FIP1L1: variants seen among roughly 807,000 people sequenced by gnomAD.
The protein encoded by FIP1L1 is pre-mRNA 3'-end-processing factor FIP1.
In FIP1L1, 21 loss-of-function variants were observed where a neutral mutation model predicts 84.6. The observed-to-expected ratio is 0.25, with a 90% CI of 0.18 to 0.36. The LOEUF is 0.36. Ranked by LOEUF, FIP1L1 falls within the 10% of genes least tolerant of loss-of-function variation. The probability of loss-of-function intolerance (pLI) is 1.00; values close to 1 mark genes in which losing one functional copy is unlikely to be tolerated. For synonymous variants in FIP1L1, 263 were observed against 242.3 expected (o/e 1.09, Z -0.80); for missense variants, 526 against 751.1 (o/e 0.70, Z 3.50).
In FIP1L1 at chr4:53,390,587, T is replaced by C. The variant is rs1423704054; in HGVS notation, c.464T>C (p.Val155Ala). Residue 155 changes from valine (V) to alanine (A), a missense_variant, in exon 7 of 18, where the codon GTA becomes GCA. Val to Ala is a moderately conservative substitution (Grantham distance 64, BLOSUM62 0). Transcript: ENST00000337488. ...ATTAATGGAGTTCCACTCTTAGAGGTAGATTTGGATTCTTTTGAAGATAAA... is the reference window on the plus strand; with the variant it reads ...ATTAATGGAGTTCCACTCTTAGAGGCAGATTTGGATTCTTTTGAAGATAAA... ...GSINGVPLLE[V>A]DLDSFEDKPW... The C allele has an allele frequency of 7.4e-6, 12 of 1,612,302 alleles. No individual in the cohort carries two copies. In the Admixed American group the frequency reaches 1.7e-4, roughly 22 times the overall value.
In FIP1L1 at chr4:53,413,027, C is replaced by G. The variant is rs138827812; in HGVS notation, c.816-1588C>G. Among the ~76,000 whole-genome samples, 605 of 152,214 alleles carry G rather than the reference C, an allele frequency of 4.0e-3. 5 individuals are homozygous for G. Among genetic ancestry groups the G allele is most frequent in the African/African-American group, 0.014 (572 of 41,536 alleles). Reference sequence around the variant, plus strand: ...TGAGAAAGTGTGTATGTGTGACTTACAAATGTAGCTTATTTGTATACATGG... The same window carrying G: ...TGAGAAAGTGTGTATGTGTGACTTAGAAATGTAGCTTATTTGTATACATGG... On this transcript the variant is annotated intron_variant, in intron 10 of 17. Coordinates refer to ENST00000337488, the MANE Select transcript of FIP1L1 (RefSeq NM_030917.4).
chr4:53,407,220 C>T (rs1163511342), intron 10 of FIP1L1, among the ~76,000 whole-genome samples: 1 of 152,092 alleles, frequency 6.6e-6, no homozygotes, highest in Non-Finnish European at 1.5e-5. Flanking sequence ...TCTTTGTTCT[C>T]GTTGGTTTCA....
intron 13 of FIP1L1, among the ~76,000 whole-genome samples, chr4:53,434,335 A>G (rs1379923335): frequency 1.3e-5 from 2 of 152,138 alleles, no homozygotes; most frequent in Non-Finnish European, 2.9e-5. Context: ...TCTCTTTACT[A>G]TGTGGCTTAG....
In FIP1L1 at chr4:53,428,078, C is replaced by T. The variant is rs1765056595; in HGVS notation, c.1069C>T (p.Pro357Ser). The T allele has an allele frequency of 3.1e-6, 5 of 1,610,444 alleles. No homozygotes were observed. The highest frequency in any genetic ancestry group is 4.2e-6 in the Non-Finnish European group (5 of 1,177,428). The change falls in exon 13 of 18, where the codon CCT (proline) becomes TCT (serine). Residue 357 changes from proline to serine, a missense_variant. Physicochemically the swap from Pro to Ser is moderately conservative, Grantham distance 74. This residue lies in a region of FIP1L1 where 80 missense variants were observed against 151.1 expected (regional missense o/e 0.53). Transcript: ENST00000337488. ...AGTAGACAACAATTTTAGCAAACCA[C>T]CTCCGTTTTTCCCTCCAGGAGCTCC... ...TEVDNNFSKP[P>S]PFFPPGAPPT...
intron 16 of FIP1L1, among the ~76,000 whole-genome samples, chr4:53,456,221 A>C (rs1311442093): frequency 1.3e-5 from 2 of 152,140 alleles, no homozygotes; most frequent in African/African-American, 4.8e-5. Flanking sequence ...GCCAAGCAGG[A>C]CTCATAAATT....
At chr4:53,406,265 T>A (rs1188316041) in intron 10 of FIP1L1, among the ~76,000 whole-genome samples, 2 of 152,214 alleles carry the variant, frequency 1.3e-5, no homozygotes, top group Non-Finnish European at 2.9e-5. Context: ...TCTATTGAGA[T>A]AATCGTGGTT....
At chr4:53,401,519 T>A (rs1261126627) in intron 10 of FIP1L1, among the ~76,000 whole-genome samples, 1 of 152,228 alleles carries the variant, frequency 6.6e-6, no homozygotes, top group Non-Finnish European at 1.5e-5. Context: ...GAGATAATGG[T>A]AACTTGGACC....
At chr4:53,458,977 A>G (rs913112674) in intron 17 of FIP1L1, among the ~76,000 whole-genome samples, 187 bp downstream of exon 17, 1 of 152,178 alleles carries the variant, frequency 6.6e-6, no homozygotes, top group Non-Finnish European at 1.5e-5. Context: ...TTGTTTGCCA[A>G]AAATCAACCC....
At chr4:53,391,605 T>C (rs1251271116) in intron 9 of FIP1L1, 107 bp downstream of exon 9, 1 of 751,060 alleles carries the variant, frequency 1.3e-6, no homozygotes, top group African/African-American at 1.8e-5. Context: ...CTACCTTTTT[T>C]CCAAACCTTC....
intron 11 of FIP1L1, among the ~76,000 whole-genome samples, chr4:53,424,102 T>C (rs531841786): frequency 1.3e-5 from 2 of 151,974 alleles, no homozygotes; most frequent in Non-Finnish European, 2.9e-5. Flanking sequence ...AATTTAAAAA[T>C]GCAAAGGAGA....
At chr4:53,451,751 A>G (rs543190782) in intron 15 of FIP1L1, among the ~76,000 whole-genome samples, 1 of 151,450 alleles carries the variant, frequency 6.6e-6, no homozygotes, top group Admixed American at 6.6e-5. Flanking sequence ...TTTAAAAAAA[A>G]CTCTGCTATT....
chr4:53,413,000 T>C (rs1458181348), intron 10 of FIP1L1, among the ~76,000 whole-genome samples: 1 of 152,146 alleles, frequency 6.6e-6, no homozygotes, highest in Non-Finnish European at 1.5e-5. Context: ...TTATTTTATG[T>C]GTGAGAAAGT....
At chr4:53,419,320 T>C (rs998321906) in intron 11 of FIP1L1, among the ~76,000 whole-genome samples, 10 of 152,194 alleles carry the variant, frequency 6.6e-5, no homozygotes, top group African/African-American at 2.4e-4. Flanking sequence ...ATAAACACTG[T>C]TGAAGAAGAA....
intron 11 of FIP1L1, among the ~76,000 whole-genome samples, chr4:53,415,000 GT>G (rs1758846575): frequency 6.6e-6 from 1 of 151,678 alleles, no homozygotes; most frequent in Non-Finnish European, 1.5e-5. Context: ...CTTGCTGCAG[GT>G]TAATTCTTTC....
intron 10 of FIP1L1, among the ~76,000 whole-genome samples, chr4:53,409,421 C>T (rs1755802516): frequency 6.6e-6 from 1 of 152,204 alleles, no homozygotes; most frequent in Admixed American, 6.5e-5. Flanking sequence ...GGGTGTCTCC[C>T]ACTTAGACTG....
chr4:53,445,443 G>A (rs1254155279), intron 15 of FIP1L1, among the ~76,000 whole-genome samples: 1 of 152,118 alleles, frequency 6.6e-6, no homozygotes, highest in Non-Finnish European at 1.5e-5. Flanking sequence ...AAAAGAACAA[G>A]TTTATTAACA....
Position 53,459,724 on chromosome 4 carries a change from T to C in FIP1L1, c.*275T>C, listed in dbSNP as rs750304656. ...TAACAGGGAATCTAAAGAGCTGTGT[T>C]AGCTGTGTACATACACAGATTATCT... On this transcript the variant is annotated 3_prime_UTR_variant, in exon 18 of 18. Coordinates refer to ENST00000337488, the MANE Select transcript of FIP1L1 (RefSeq NM_030917.4). 8.5e-6 allele frequency: 4 copies of C among 471,468 alleles called. No individual in the cohort carries two copies. The highest frequency in any genetic ancestry group is 6.0e-4 in the Middle Eastern group (1 of 1,658). The allele number at this position is 471,468 out of a possible 1,614,324, so 29.2% of individuals were successfully genotyped here.
At chr4:53,393,524 G>A (rs531658645) in intron 9 of FIP1L1, among the ~76,000 whole-genome samples, 1 of 152,026 alleles carries the variant, frequency 6.6e-6, no homozygotes, top group Non-Finnish European at 1.5e-5. Flanking sequence ...AGCCTTTTAT[G>A]TACTTCAATA....
At chr4:53,428,326 CAG>C in intron 13 of FIP1L1, 143 bp downstream of exon 13, 3 of 716,954 alleles carry the variant, frequency 4.2e-6, no homozygotes, top group South Asian at 3.8e-5. Context: ...CACACTGAAA[CAG>C]ATATATATAT....
Sources: allele counts gnomAD v4.1 joint callset (sites outside exome capture counted in the v4.1 genomes callset), GRCh38; gene constraint gnomAD v4.1.1; regional missense constraint gnomAD v4.1.1; transcripts MANE v1.5; gene names NCBI Gene and HGNC (gene_info 2026-07-23, HGNC 2026-07-21).